Variants in KDM4B observed in about 807,000 individuals in gnomAD.
The protein encoded by KDM4B is lysine-specific demethylase 4B.
Under a neutral mutation model 125.2 loss-of-function variants are expected in KDM4B, and 32 were observed. The observed-to-expected ratio is 0.26, with a 90% CI of 0.19 to 0.34. KDM4B has a LOEUF of 0.34. Among genes scored for constraint, KDM4B ranks in the 10% least tolerant of loss-of-function variants. The pLI is 1.00. For synonymous variants in KDM4B, 721 were observed against 677.9 expected (o/e 1.06, Z -0.99); for missense variants, 1,190 against 1,577.7 (o/e 0.75, Z 4.16).
intron 6 of KDM4B, among the ~76,000 whole-genome samples, chr19:5,060,949 C>T (rs755396980): frequency 3.3e-5 from 5 of 152,256 alleles, no homozygotes; most frequent in Non-Finnish European, 5.9e-5. Flanking sequence ...GATCAGATGC[C>T]TCCAATCTGG....
chr19:5,002,762 A>G (rs952345720), intron 1 of KDM4B, among the ~76,000 whole-genome samples: 6 of 152,046 alleles, frequency 3.9e-5, no homozygotes, highest in African/African-American at 9.7e-5. Flanking sequence ...AGCCTGGGCA[A>G]CATGGTGAGA....
intron 1 of KDM4B, among the ~76,000 whole-genome samples, chr19:4,984,706 G>A (rs1157109903): frequency 6.6e-6 from 1 of 152,194 alleles, no homozygotes; most frequent in African/African-American, 2.4e-5. Flanking sequence ...GTGTCTGTGG[G>A]TCTTGCAAAC....
rs1005312149 is a variant in KDM4B at position 5,081,521 on chromosome 19, A to G, written c.781-846A>G. Among the ~76,000 whole-genome samples the G allele has an allele frequency of 6.6e-6, 1 of 151,906 alleles. No individual in the cohort carries two copies. The highest frequency in any genetic ancestry group is 1.5e-5 in the Non-Finnish European group (1 of 67,968). On this transcript the variant is annotated intron_variant, in intron 8 of 22. Transcript: ENST00000159111. The surrounding 1 kb of genome is among the most constrained non-coding windows in gnomAD (Gnocchi z 4.2). Reference sequence around the variant, plus strand: ...GTTGGGAAACCTTGGGTCTGGGGTCATTGTGGGCCCCACCCCAGCCACGCA... The same window carrying G: ...GTTGGGAAACCTTGGGTCTGGGGTCGTTGTGGGCCCCACCCCAGCCACGCA...
chr19:5,134,094 C>T, intron 14 of KDM4B, 33 bp downstream of exon 14: 1 of 1,556,602 alleles, frequency 6.4e-7, no homozygotes, highest in Non-Finnish European at 8.7e-7. Flanking sequence ...TCCCAGAGAA[C>T]CCCAGGCAGG....
intron 9 of KDM4B, among the ~76,000 whole-genome samples, chr19:5,085,957 G>A (rs2038479389): frequency 6.6e-6 from 1 of 152,158 alleles, no homozygotes. Context: ...TGGGGCTCGG[G>A]CCTTGTTCAG....
chr19:5,029,346 G>A (rs1180145029), intron 2 of KDM4B, among the ~76,000 whole-genome samples: 1 of 152,204 alleles, frequency 6.6e-6, no homozygotes, highest in Non-Finnish European at 1.5e-5. Context: ...TGATGCCCCC[G>A]AGTCATCCTG....
At chr19:5,058,418 G>A (rs548928726) in intron 6 of KDM4B, among the ~76,000 whole-genome samples, 1 of 152,342 alleles carries the variant, frequency 6.6e-6, no homozygotes, top group East Asian at 1.9e-4. Flanking sequence ...GACTGAGGGA[G>A]GAGGGGAGCC....
chr19:5,013,972 C>G (rs1185005916), intron 1 of KDM4B, among the ~76,000 whole-genome samples: 1 of 152,244 alleles, frequency 6.6e-6, no homozygotes, highest in Non-Finnish European at 1.5e-5. Flanking sequence ...GGGGAAGAGG[C>G]GCAGCCCGTG....
At chr19:4,996,565 G>T (rs936728822) in intron 1 of KDM4B, among the ~76,000 whole-genome samples, 1 of 150,944 alleles carries the variant, frequency 6.6e-6, no homozygotes, top group Non-Finnish European at 1.5e-5. Flanking sequence ...TAGTAGTGAC[G>T]CGGTCTCGCC....
rs1437956761 is a variant in KDM4B, at chr19:5,153,194, G to C, written c.*1683G>C. 2 of 152,196 alleles carry C rather than the reference G, an allele frequency of 1.3e-5. No homozygotes were observed. The highest frequency in any genetic ancestry group is 4.8e-5 in the African/African-American group (2 of 41,442). The allele number at this position is 152,196 out of a possible 1,614,324, so 9.4% of individuals were successfully genotyped here. A position where few individuals can be genotyped will look rare whatever the true frequency, so the allele number is the denominator to read the frequency against. ...GGAGGGGGGCGGTTGCCCTGGAGAGGGCCGGGGTCGGGGAGGTTGGGGGGT... is the reference window on the plus strand; with the variant it reads ...GGAGGGGGGCGGTTGCCCTGGAGAGCGCCGGGGTCGGGGAGGTTGGGGGGT... On this transcript the variant is annotated 3_prime_UTR_variant, in exon 23 of 23. Transcript: ENST00000159111.
At chr19:5,147,277 A>T (rs902408228) in intron 21 of KDM4B, among the ~76,000 whole-genome samples, 2 of 152,252 alleles carry the variant, frequency 1.3e-5, no homozygotes, top group East Asian at 1.9e-4. Flanking sequence ...GGAAAATGAC[A>T]AGGGAGACTC....
intron 1 of KDM4B, among the ~76,000 whole-genome samples, chr19:4,975,304 A>G (rs2034406906): frequency 6.6e-6 from 1 of 152,194 alleles, no homozygotes; most frequent in Admixed American, 6.5e-5. Context: ...TATGGACACA[A>G]ACGTGAATTC....
At chr19:5,019,883 G>GGTGTGCAGGTGTTA (rs1226946266) in intron 2 of KDM4B, among the ~76,000 whole-genome samples, 2 of 145,920 alleles carry the variant, frequency 1.4e-5, no homozygotes, top group African/African-American at 2.6e-5. Context: ...TGCAGGTGTT[G>GGTGTGCAGGTGTTA]GTGTGCAGGT....
chr19:5,026,987 T>C (rs147203647), intron 2 of KDM4B, among the ~76,000 whole-genome samples: 3,076 of 152,246 alleles, frequency 0.02, 99 homozygotes, highest in South Asian at 0.066. Context: ...TTGGCCTGGC[T>C]CCAGCCAGCT....
chr19:5,073,938 G>T (rs2038023706), intron 7 of KDM4B, among the ~76,000 whole-genome samples: 1 of 152,174 alleles, frequency 6.6e-6, no homozygotes, highest in Non-Finnish European at 1.5e-5. Context: ...GGAACATAGT[G>T]AGACTCTGTC....
chr19:5,131,452 A>G lies in KDM4B; in HGVS notation c.1692A>G (p.Pro564=). The part of the protein sequence containing the change: ...FAQKGPTWKE[P]VSPMELTGPE... ...AGAAGGGTCCGACCTGGAAGGAACC[A>G]GTTTCCCCCATGGAGCTGACGGGGC... Residue 564 remains proline (P), a synonymous_variant, in exon 12 of 23, where the codon CCA becomes CCG. Transcript: ENST00000159111. 1 of 1,603,402 alleles carries G rather than the reference A, an allele frequency of 6.2e-7. No individual in the cohort carries two copies.
intron 21 of KDM4B, 137 bp downstream of exon 21, chr19:5,145,039 C>T (rs368265091): frequency 1.6e-5 from 18 of 1,127,068 alleles, no homozygotes; most frequent in East Asian, 5.2e-5. Flanking sequence ...TAGTGAGGCC[C>T]GCAGGACCCA....
At chr19:5,130,678 C>T (rs1176202631) in intron 11 of KDM4B, among the ~76,000 whole-genome samples, 1 of 152,272 alleles carries the variant, frequency 6.6e-6, no homozygotes, top group Non-Finnish European at 1.5e-5. Context: ...CCCACCTCCA[C>T]CGGGAAAGTG....
Position 5,115,772 on chromosome 19 carries a change from C to T in KDM4B, c.1116-3881C>T, listed in dbSNP as rs192375898. ...AAACATTCCAGGAACGAGTGGCTCT[C>T]GGATGTTACCATCTAGAGAAGAGAC... On this transcript the variant is annotated intron_variant, in intron 10 of 22. Transcript: ENST00000159111. The surrounding 1 kb of genome is among the most constrained non-coding windows in gnomAD (Gnocchi z 4.2). 6.6e-5 allele frequency among the ~76,000 whole-genome samples: 10 copies of T among 152,246 alleles called. No individual in the cohort carries two copies. The highest frequency in any genetic ancestry group is 1.0e-4 in the Non-Finnish European group (7 of 68,024).
Sources: allele counts gnomAD v4.1 joint callset (sites outside exome capture counted in the v4.1 genomes callset), GRCh38; gene constraint gnomAD v4.1.1; non-coding constraint Gnocchi (gnomAD v3.1); transcripts MANE v1.5; gene names NCBI Gene and HGNC (gene_info 2026-07-23, HGNC 2026-07-21).